CYLC2: variants seen among roughly 807,000 people sequenced by gnomAD.
CYLC2 encodes cylicin 2.
A neutral mutation model predicts 26.1 loss-of-function variants in CYLC2; 30 were observed. The ratio of observed to expected loss-of-function variants is 1.15; its 90% CI spans 0.86 to 1.56. The LOEUF is 1.56. Ranked by LOEUF, CYLC2 falls within the 40% of genes most tolerant of loss-of-function variation. The probability of loss-of-function intolerance (pLI) is 0.00; values close to 1 mark genes in which losing one functional copy is unlikely to be tolerated. For synonymous variants in CYLC2, 158 were observed against 132.8 expected (o/e 1.19, Z -1.31); for missense variants, 498 against 394.4 (o/e 1.26, Z -2.23).
chr9:103,001,016 T>C (rs2118227517), intron 1 of CYLC2, among the ~76,000 whole-genome samples: 1 of 152,110 alleles, frequency 6.6e-6, no homozygotes, highest in South Asian at 2.1e-4. Flanking sequence ...TGAAATTCCT[T>C]ACGAATTTTT....
rs753634455 is a variant in CYLC2 at position 103,005,151 on chromosome 9, T to A, written c.520T>A (p.Ser174Thr). The A allele has an allele frequency of 1.1e-5, 18 of 1,605,146 alleles. No homozygotes were observed. The Admixed American group carries it at 3.1e-4, about 28-fold the overall frequency. The part of the protein sequence containing the change: ...GKKDAEKGKD[S>T]ATESEDEKGG... ...AAAGGATGCAGAGAAGGGCAAAGACTCAGCAACAGAATCTGAAGATGAAAA... is the reference window on the plus strand; with the variant it reads ...AAAGGATGCAGAGAAGGGCAAAGACACAGCAACAGAATCTGAAGATGAAAA... The change falls in exon 5 of 8, where the codon TCA (serine) becomes ACA (threonine). Residue 174 changes from serine to threonine, a missense_variant. Physicochemically the swap from Ser to Thr is moderately conservative, Grantham distance 58 (BLOSUM62 1). Coordinates refer to ENST00000374798, the MANE Select transcript of CYLC2 (RefSeq NM_001340.5).
intron 7 of CYLC2, among the ~76,000 whole-genome samples, chr9:103,017,215 T>C (rs1302058160): frequency 6.6e-6 from 1 of 151,892 alleles, no homozygotes; most frequent in African/African-American, 2.4e-5. Flanking sequence ...TGGGTGGCAT[T>C]TGAGAAGAAA....
chr9:103,001,528 C>G (rs982939767), intron 1 of CYLC2, 50 bp from the exon 2 acceptor site: 22 of 1,144,384 alleles, frequency 1.9e-5, no homozygotes, highest in Middle Eastern at 2.0e-4. Context: ...CAGTTTAAAA[C>G]AGTGATTTTT....
intron 5 of CYLC2, among the ~76,000 whole-genome samples, chr9:103,006,912 C>T (rs1829357428): frequency 6.6e-6 from 1 of 152,032 alleles, no homozygotes; most frequent in South Asian, 2.1e-4. Flanking sequence ...AGAGAATGAA[C>T]ATTGTGCTCT....
chr9:103,017,952 G>T lies in CYLC2; in HGVS notation c.*891-373G>T, dbSNP rs1203845557. ...ATATTGCATTACGGTCCATCTTAATGACCTCATTTAACCTTTATTACTTCT... is the reference window on the plus strand; with the variant it reads ...ATATTGCATTACGGTCCATCTTAATTACCTCATTTAACCTTTATTACTTCT... On this transcript the variant is annotated intron_variant, in intron 7 of 7. Transcript: ENST00000374798. Among the ~76,000 whole-genome samples the T allele has an allele frequency of 2.6e-5, 4 of 151,880 alleles. No homozygotes were observed. In the East Asian group the frequency reaches 7.7e-4, roughly 29 times the overall value.
At chr9:103,017,665 T>C (rs554785019) in intron 7 of CYLC2, among the ~76,000 whole-genome samples, 1 of 152,158 alleles carries the variant, frequency 6.6e-6, no homozygotes, top group South Asian at 2.1e-4. Context: ...ATATAGTTGG[T>C]AACTTTTTCT....
At chr9:103,008,182 C>T (rs908820156) in intron 5 of CYLC2, among the ~76,000 whole-genome samples, 1 of 151,996 alleles carries the variant, frequency 6.6e-6, no homozygotes, top group African/African-American at 2.4e-5. Flanking sequence ...ATTATTTTCA[C>T]CAATAGGATT....
chr9:103,005,073 G>A lies in CYLC2; in HGVS notation c.442G>A (p.Glu148Lys), dbSNP rs1327078388. 6.2e-6 allele frequency: 10 copies of A among 1,606,016 alleles called. No individual in the cohort carries two copies. Among genetic ancestry groups the A allele is most frequent in the Admixed American group, 3.5e-5 (2 of 57,776 alleles). The change falls in exon 5 of 8, where the codon GAG (glutamate) becomes AAG (lysine). Residue 148 changes from glutamate to lysine, a missense_variant. Coordinates refer to ENST00000374798, the MANE Select transcript of CYLC2 (RefSeq NM_001340.5). ...KKDSKKGKDI[E>K]KGKEEKLDAK... Reference sequence around the variant, plus strand: ...AGATTCAAAGAAAGGCAAGGATATAGAGAAAGGAAAAGAAGAAAAGCTAGA... The same window carrying A: ...AGATTCAAAGAAAGGCAAGGATATAAAGAAAGGAAAAGAAGAAAAGCTAGA...
chr9:102,996,816 T>C (rs2118218465), intron 1 of CYLC2, among the ~76,000 whole-genome samples: 1 of 152,086 alleles, frequency 6.6e-6, no homozygotes, highest in Non-Finnish European at 1.5e-5. Flanking sequence ...CTCTAATACC[T>C]TTGCTCTATC....
chr9:103,006,694 G>A (rs888335947), intron 5 of CYLC2, among the ~76,000 whole-genome samples: 3 of 152,058 alleles, frequency 2.0e-5, no homozygotes, highest in African/African-American at 7.2e-5. Context: ...GATTACAGGC[G>A]TGAGCCACCG....
At chr9:103,007,803 G>C (rs1463592559) in intron 5 of CYLC2, among the ~76,000 whole-genome samples, 2 of 152,122 alleles carry the variant, frequency 1.3e-5, no homozygotes, top group Non-Finnish European at 2.9e-5. Flanking sequence ...TAAAGGAAGG[G>C]TCTCCTAGTC....
Position 103,003,302 on chromosome 9 carries a change from T to A in CYLC2, c.180+39T>A, listed in dbSNP as rs771866114. ...AGATTTTATAATTATCAGTAATAAGTAATAACTTAGTAATAATTATAACCA... is the reference window on the plus strand; with the variant it reads ...AGATTTTATAATTATCAGTAATAAGAAATAACTTAGTAATAATTATAACCA... On this transcript the variant is annotated intron_variant, in intron 3 of 7. Transcript: ENST00000374798. 4 of 1,526,286 alleles carry A rather than the reference T, an allele frequency of 2.6e-6. No individual in the cohort carries two copies. The South Asian group carries it at 4.7e-5, about 18-fold the overall frequency. The allele number at this position is 1,526,286 out of a possible 1,614,324, so 94.5% of individuals were successfully genotyped here.
intron 1 of CYLC2, 151 bp downstream of exon 1, chr9:102,995,548 A>G (rs1364941550): frequency 9.7e-6 from 6 of 619,124 alleles, no homozygotes; most frequent in Non-Finnish European, 1.7e-5. Flanking sequence ...CTCAAGCAAC[A>G]TAATAGATTT....
At chr9:103,017,741 G>T (rs1396003309) in intron 7 of CYLC2, among the ~76,000 whole-genome samples, 1 of 151,978 alleles carries the variant, frequency 6.6e-6, no homozygotes, top group South Asian at 2.1e-4. Flanking sequence ...CACAGACGGG[G>T]TAGCTTAAAT....
At chr9:103,008,075 T>C (rs1416279850) in intron 5 of CYLC2, among the ~76,000 whole-genome samples, 1 of 151,948 alleles carries the variant, frequency 6.6e-6, no homozygotes, top group Non-Finnish European at 1.5e-5. Context: ...AAATTATGTG[T>C]TGAGATTGCT....
At position 103,013,885 on chromosome 9, in the gene CYLC2, A is replaced by G. The variant is rs551082244; in HGVS notation, c.*816+1788A>G. On this transcript the variant is annotated intron_variant, in intron 6 of 7. Transcript: ENST00000374798. The stretch of plus-strand genomic sequence containing the variant: ...TATATTATATATTATACATATAATA[A>G]ATAATATATTATATATAATATTATA... Among the ~76,000 whole-genome samples, 301 of 113,794 alleles carry G rather than the reference A, an allele frequency of 2.6e-3. 4 individuals carry two copies. In the East Asian group the frequency reaches 0.029, roughly 11 times the overall value. 74.7% of individuals were successfully genotyped at this position (113,794 alleles called of 152,430 possible). A position where few individuals can be genotyped will look rare whatever the true frequency, so the allele number is the denominator to read the frequency against.
rs142695278 is a variant in CYLC2, at chr9:103,005,635, C to A, written c.1004C>A (p.Ala335Glu). The A allele has an allele frequency of 1.2e-6, 2 of 1,610,998 alleles. No homozygotes were observed. The highest frequency in any genetic ancestry group is 1.7e-6 in the Non-Finnish European group (2 of 1,179,318). ...GCAAAGAAGGATGCAAAGAAGAATG[C>A]AAAGAAGGATGAAAAGAAGGATGCA... The part of the protein sequence containing the change: ...KDAKKDAKKN[A>E]KKDEKKDAKK... Residue 335 changes from alanine (A) to glutamate (E), a missense_variant, in exon 5 of 8, where the codon GCA (alanine) becomes GAA (glutamate). Coordinates refer to ENST00000374798, the MANE Select transcript of CYLC2 (RefSeq NM_001340.5).
In CYLC2 at chr9:102,995,341, C is replaced by G. The variant is rs373802579; in HGVS notation, c.-40C>G. ...CACCTTTCAACATCACCAGTTTGAA[C>G]TTACAATACTTAAGTCCTGGCAAGT... On this transcript the variant is annotated 5_prime_UTR_variant, in exon 1 of 8. Coordinates refer to ENST00000374798, the MANE Select transcript of CYLC2 (RefSeq NM_001340.5). The G allele has an allele frequency of 8.3e-6, 13 of 1,563,494 alleles. No individual in the cohort carries two copies. The Admixed American group carries it at 1.3e-4, about 16-fold the overall frequency.
intron 1 of CYLC2, among the ~76,000 whole-genome samples, chr9:103,000,268 G>T (rs1171051212): frequency 6.6e-6 from 1 of 151,680 alleles, no homozygotes; most frequent in African/African-American, 2.4e-5. Context: ...TTTTATTATT[G>T]ATTTCAAATT....
Sources: allele counts gnomAD v4.1 joint callset (sites outside exome capture counted in the v4.1 genomes callset), GRCh38; gene constraint gnomAD v4.1.1; transcripts MANE v1.5; gene names NCBI Gene and HGNC (gene_info 2026-07-23, HGNC 2026-07-21).